Variants in SLC4A10 observed in about 807,000 individuals in gnomAD.
The protein encoded by SLC4A10 is solute carrier family 4 member 10.
In SLC4A10, 42 loss-of-function variants were observed where a neutral mutation model predicts 137.7. The observed-to-expected ratio is 0.30, with a 90% CI of 0.24 to 0.39. The LOEUF is 0.39. Ranked by LOEUF, SLC4A10 falls within the 10% of genes least tolerant of loss-of-function variation. The probability of loss-of-function intolerance (pLI) is 1.00; values close to 1 mark genes in which losing one functional copy is unlikely to be tolerated. For missense variants in SLC4A10, 925 were observed against 1,355.0 expected (o/e 0.68, Z 4.98); for synonymous variants, 474 against 464.1 (o/e 1.02, Z -0.27).
intron 3 of SLC4A10, among the ~76,000 whole-genome samples, chr2:161,815,835 C>T (rs1452286939): frequency 6.6e-6 from 1 of 152,080 alleles, no homozygotes; most frequent in African/African-American, 2.4e-5. Flanking sequence ...AGTCGGGTGG[C>T]CCAGATTCTC....
intron 2 of SLC4A10, among the ~76,000 whole-genome samples, chr2:161,780,970 A>C (rs1344398948): frequency 6.6e-6 from 1 of 151,992 alleles, no homozygotes; most frequent in African/African-American, 2.4e-5. Context: ...AACTTATCAG[A>C]ATCTTGTCTG....
At chr2:161,743,302 A>C (rs552097122) in intron 1 of SLC4A10, among the ~76,000 whole-genome samples, 13 of 152,284 alleles carry the variant, frequency 8.5e-5, no homozygotes, top group African/African-American at 2.9e-4. Context: ...TGTATATGAC[A>C]AGAGATAGGG....
intron 15 of SLC4A10, 58 bp downstream of exon 15, chr2:161,905,945 G>T (rs1034413921): frequency 4.6e-6 from 7 of 1,518,432 alleles, no homozygotes; most frequent in Non-Finnish European, 5.3e-6. Flanking sequence ...TATTGCTATT[G>T]TTACAAGAAA....
At chr2:161,881,035 C>T (rs1438454226) in intron 9 of SLC4A10, among the ~76,000 whole-genome samples, 1 of 151,812 alleles carries the variant, frequency 6.6e-6, no homozygotes, top group Non-Finnish European at 1.5e-5. Flanking sequence ...CACTGTAGAG[C>T]AACTGTATGA....
intron 15 of SLC4A10, among the ~76,000 whole-genome samples, chr2:161,932,172 TC>T (rs1238535975): frequency 6.6e-6 from 1 of 152,198 alleles, no homozygotes; most frequent in Non-Finnish European, 1.5e-5. Flanking sequence ...AGCATACTAC[TC>T]CTTACTAGTG....
chr2:161,718,234 A>T lies in SLC4A10; in HGVS notation c.49-52739A>T, dbSNP rs567648449. On this transcript the variant is annotated intron_variant, in intron 1 of 26. Transcript: ENST00000446997. ...GGTCTAGCTATTTTATTAATTTTTT[A>T]AAAAAATCACCTCCTGGATTCGTTG... Among the ~76,000 whole-genome samples the T allele has an allele frequency of 5.3e-4, 80 of 152,002 alleles. 1 individual carries two copies. The highest frequency in any genetic ancestry group is 2.3e-3 in the East Asian group (12 of 5,176).
intron 1 of SLC4A10, among the ~76,000 whole-genome samples, chr2:161,767,176 ATATGTGTGTGTG>A (rs1367999432): frequency 3.3e-5 from 1 of 30,512 alleles, no homozygotes; most frequent in African/African-American, 9.0e-5. Flanking sequence ...TTATTTATAT[ATATGTGTGTGTG>A]TGTGTGTGTG....
At chr2:161,684,243 C>T (rs1284202675) in intron 1 of SLC4A10, among the ~76,000 whole-genome samples, 1 of 152,194 alleles carries the variant, frequency 6.6e-6, no homozygotes, top group South Asian at 2.1e-4. Flanking sequence ...GGCTGAATAA[C>T]ATTCCATTGT....
At chr2:161,837,418 T>G (rs573933154) in intron 3 of SLC4A10, among the ~76,000 whole-genome samples, 1 of 152,214 alleles carries the variant, frequency 6.6e-6, no homozygotes, top group African/African-American at 2.4e-5. Context: ...TAAAACCTGA[T>G]GGAAGTAAAT....
chr2:161,670,069 C>T (rs1166728291), intron 1 of SLC4A10, among the ~76,000 whole-genome samples: 2 of 152,072 alleles, frequency 1.3e-5, no homozygotes, highest in Non-Finnish European at 1.5e-5. Context: ...ATACCCACTT[C>T]GTGGGTTGTA....
intron 1 of SLC4A10, among the ~76,000 whole-genome samples, chr2:161,683,691 T>G (rs546579395): frequency 4.6e-5 from 7 of 152,318 alleles, no homozygotes; most frequent in Non-Finnish European, 8.8e-5. Flanking sequence ...TTATGGTAAT[T>G]AGACTGAAAG....
chr2:161,635,013 A>T (rs1327471510), intron 1 of SLC4A10, among the ~76,000 whole-genome samples: 2 of 152,116 alleles, frequency 1.3e-5, no homozygotes, highest in Non-Finnish European at 2.9e-5. Flanking sequence ...TTTATTTCTG[A>T]TTATAAGCTC....
intron 23 of SLC4A10, among the ~76,000 whole-genome samples, chr2:161,967,948 T>C (rs575295186): frequency 1.3e-5 from 2 of 152,056 alleles, no homozygotes; most frequent in East Asian, 3.9e-4. Context: ...CTGCTTTTTT[T>C]TGTTAACTGT....
intron 19 of SLC4A10, among the ~76,000 whole-genome samples, chr2:161,952,325 G>C (rs1240332534): frequency 6.6e-6 from 1 of 152,110 alleles, no homozygotes; most frequent in East Asian, 1.9e-4. Context: ...ATGAGCCCTT[G>C]ACATTCACAG....
intron 11 of SLC4A10, among the ~76,000 whole-genome samples, chr2:161,896,253 G>C (rs1363552644): frequency 6.6e-6 from 1 of 151,714 alleles, no homozygotes; most frequent in African/African-American, 2.4e-5. Flanking sequence ...TGAGGGCTCT[G>C]TTCTGTTCCA....
At chr2:161,632,160 T>C (rs992203776) in intron 1 of SLC4A10, among the ~76,000 whole-genome samples, 4 of 151,574 alleles carry the variant, frequency 2.6e-5, no homozygotes. Flanking sequence ...TTTTGACTAA[T>C]GAGGCTTTGA....
At chr2:161,814,879 A>G (rs1266301381) in intron 3 of SLC4A10, among the ~76,000 whole-genome samples, 1 of 152,154 alleles carries the variant, frequency 6.6e-6, no homozygotes, top group Admixed American at 6.6e-5. Context: ...ATCATTCAAT[A>G]TGCCCATATA....
intron 1 of SLC4A10, among the ~76,000 whole-genome samples, chr2:161,653,619 C>T (rs1346702011): frequency 6.6e-6 from 1 of 152,150 alleles, no homozygotes. Flanking sequence ...TTTTAAATAT[C>T]TTATATAAGT....
Position 161,640,332 on chromosome 2 carries a change from T to C in SLC4A10, c.48+15766T>C, listed in dbSNP as rs150338833. On this transcript the variant is annotated intron_variant, in intron 1 of 26. Coordinates refer to ENST00000446997, the MANE Select transcript of SLC4A10 (RefSeq NM_001178015.2). Reference sequence around the variant, plus strand: ...GGTACCACAGAGTTTTTCAACATTGTCTTGTATTTTCCCTGACTCCACTCT... The same window carrying C: ...GGTACCACAGAGTTTTTCAACATTGCCTTGTATTTTCCCTGACTCCACTCT... Among the ~76,000 whole-genome samples the C allele has an allele frequency of 4.0e-3, 611 of 152,178 alleles. 8 individuals carry two copies. Among genetic ancestry groups the C allele is most frequent in the African/African-American group, 0.013 (537 of 41,530 alleles).
Sources: gnomAD v4.1 joint callset for allele counts (sites outside exome capture counted in the v4.1 genomes callset) on GRCh38, gnomAD v4.1.1 for gene constraint, MANE v1.5 for transcripts, NCBI Gene and HGNC (gene_info 2026-07-23, HGNC 2026-07-21) for gene names.